Variants in RAB3IP observed in about 807,000 individuals in gnomAD.
RAB3IP encodes RAB3A interacting protein.
Under a neutral mutation model 59.1 loss-of-function variants are expected in RAB3IP, and 36 were observed. The observed-to-expected ratio is 0.61, with a 90% CI of 0.47 to 0.80. The LOEUF is 0.80. Among genes scored for constraint, RAB3IP ranks in the 30% least tolerant of loss-of-function variants. The probability of loss-of-function intolerance (pLI) is 0.00; values close to 1 mark genes in which losing one functional copy is unlikely to be tolerated. For missense variants in RAB3IP, 511 were observed against 536.0 expected (o/e 0.95, Z 0.46); for synonymous variants, 207 against 191.2 (o/e 1.08, Z -0.68).
chr12:69,756,330 T>C, intron 2 of RAB3IP, 75 bp from the exon 3 acceptor site: 1 of 1,495,568 alleles, frequency 6.7e-7, no homozygotes, highest in South Asian at 1.3e-5. Context: ...AGTACAGTTC[T>C]AGAGCTGTGT....
intron 6 of RAB3IP, chr12:69,795,727 A>C (rs959239896): frequency 3.1e-5 from 9 of 289,392 alleles, no homozygotes; most frequent in African/African-American, 1.7e-4. Context: ...AAAGATCAAT[A>C]CATTGCTTTT....
intron 1 of RAB3IP, chr12:69,739,736 C>T (rs1227735098): frequency 3.7e-6 from 4 of 1,093,550 alleles, no homozygotes; most frequent in Non-Finnish European, 5.6e-6. Flanking sequence ...CATGGCTCTG[C>T]CCTCCCAGCG....
chr12:69,822,396 T>A lies in RAB3IP; in HGVS notation c.*6950T>A, dbSNP rs146036009. 25 of 152,170 alleles carry A rather than the reference T, an allele frequency of 1.6e-4. No individual in the cohort carries two copies. Among genetic ancestry groups the A allele is most frequent in the African/African-American group, 5.5e-4 (23 of 41,496 alleles). The allele number at this position is 152,170 out of a possible 1,614,324, so 9.4% of individuals were successfully genotyped here. A position where few individuals can be genotyped will look rare whatever the true frequency, so the allele number is the denominator to read the frequency against. On this transcript the variant is annotated 3_prime_UTR_variant, in exon 11 of 11. Coordinates refer to ENST00000247833, the MANE Select transcript of RAB3IP (RefSeq NM_022456.5). ...TCTCTCTGAGTTAAATGGGATTGTA[T>A]CATGCCCCACACCCAAGCAGATAGA...
intron 8 of RAB3IP, among the ~76,000 whole-genome samples, chr12:69,801,951 C>T (rs1264160182): frequency 1.4e-5 from 2 of 140,628 alleles, no homozygotes; most frequent in East Asian, 2.5e-4. Flanking sequence ...CAAAAGTAAT[C>T]GTGCTTGTTG....
rs1881512714 is a variant in RAB3IP, at chr12:69,819,873, T to G, written c.*4427T>G. 6.6e-6 allele frequency: 1 copy of G among 152,182 alleles called. No individual in the cohort carries two copies. Among genetic ancestry groups the G allele is most frequent in the East Asian group, 1.9e-4 (1 of 5,164 alleles). 9.4% of individuals were successfully genotyped at this position (152,182 alleles called of 1,614,324 possible). On this transcript the variant is annotated 3_prime_UTR_variant, in exon 11 of 11. Coordinates refer to ENST00000247833, the MANE Select transcript of RAB3IP (RefSeq NM_022456.5). ...TTAGTTAGGTGGCCACTCCTCTCTC[T>G]TCATGGTCTCTCTCAGCTTGAAGAC...
Position 69,805,661 on chromosome 12 carries a change from A to G in RAB3IP, c.1130+3940A>G, listed in dbSNP as rs531201797. ...TCATAGATAGCTCTTATTATTTTGA[A>G]ATACGTCCCATCAATACCTAATTTA... is the stretch of plus-strand genomic sequence containing the variant. On this transcript the variant is annotated intron_variant, in intron 8 of 10. Transcript: ENST00000247833. Among the ~76,000 whole-genome samples the G allele has an allele frequency of 9.7e-3, 1,466 of 151,192 alleles. 21 individuals are homozygous for G. The highest frequency in any genetic ancestry group is 0.032 in the African/African-American group (1,288 of 40,830).
chr12:69,738,835 C>A (rs1886934984), upstream of RAB3IP: 2 of 152,160 alleles, frequency 1.3e-5, no homozygotes, highest in South Asian at 4.1e-4. Context: ...GCTCCCGGCT[C>A]CCGGCCCCCG....
intron 4 of RAB3IP, among the ~76,000 whole-genome samples, chr12:69,791,249 A>G (rs1876562707): frequency 6.6e-6 from 1 of 152,206 alleles, no homozygotes; most frequent in Admixed American, 6.5e-5. Flanking sequence ...AGAAACAAGG[A>G]AAAAGCTTCT....
intron 1 of RAB3IP, among the ~76,000 whole-genome samples, chr12:69,744,671 G>A (rs1008038276): frequency 4.1e-5 from 6 of 144,632 alleles, no homozygotes; most frequent in African/African-American, 1.3e-4. Context: ...CAGCCTGGGC[G>A]ACAGAGCGAG....
rs912485987 is a variant in RAB3IP, at chr12:69,802,525, C to T, written c.1130+804C>T. On this transcript the variant is annotated intron_variant, in intron 8 of 10. Coordinates refer to ENST00000247833, the MANE Select transcript of RAB3IP (RefSeq NM_022456.5). ...AAAGACGAAAGGTTTTGCCTAAAAC[C>T]GTGGCATAATTGTGTCTTGGCTTCT... is the stretch of plus-strand genomic sequence containing the variant. 7.9e-5 allele frequency among the ~76,000 whole-genome samples: 12 copies of T among 152,094 alleles called. No individual in the cohort carries two copies. The East Asian group carries it at 1.7e-3, about 22-fold the overall frequency.
rs1264897433 is a variant in RAB3IP at position 69,807,437 on chromosome 12, G to A, written c.1131-5341G>A. On this transcript the variant is annotated intron_variant, in intron 8 of 10. Transcript: ENST00000247833. Reference sequence around the variant, plus strand: ...CTCCCAGACGGGGCGGCCGGGCGGAGGCGCTCCTCACATCCCAGACAGGAC... The same window carrying A: ...CTCCCAGACGGGGCGGCCGGGCGGAAGCGCTCCTCACATCCCAGACAGGAC... Among the ~76,000 whole-genome samples the A allele has an allele frequency of 2.0e-5, 3 of 149,254 alleles. No individual in the cohort carries two copies. In the East Asian group the frequency reaches 6.2e-4, roughly 31 times the overall value.
In RAB3IP at chr12:69,815,451, C is replaced by G. The variant is rs1881034221; in HGVS notation, c.*5C>G. Reference sequence around the variant, plus strand: ...TATTTCAAAGAGGAACTCTGATGCTCTGCGTGGGACCATGCCTGAACTCCC... The same window carrying G: ...TATTTCAAAGAGGAACTCTGATGCTGTGCGTGGGACCATGCCTGAACTCCC... On this transcript the variant is annotated 3_prime_UTR_variant, in exon 11 of 11. Transcript: ENST00000247833. The G allele has an allele frequency of 1.3e-6, 2 of 1,596,252 alleles. No individual in the cohort carries two copies. The highest frequency in any genetic ancestry group is 2.2e-5 in the South Asian group (2 of 90,548).
intron 3 of RAB3IP, among the ~76,000 whole-genome samples, chr12:69,770,700 A>G (rs540698104): frequency 6.6e-6 from 1 of 152,322 alleles, no homozygotes; most frequent in Admixed American, 6.5e-5. Flanking sequence ...CATTTAAAAA[A>G]AAGTTTGATT....
At position 69,823,182 on chromosome 12, in the gene RAB3IP, A is replaced by G. The variant is rs935706936; in HGVS notation, c.*7736A>G. ...ATTATTTGTTAATTAAAAAAATAAA[A>G]AAAAGACCCACCCACTGTTTAAGTG... On this transcript the variant is annotated 3_prime_UTR_variant, in exon 11 of 11. Transcript: ENST00000247833. 4 of 152,156 alleles carry G rather than the reference A, an allele frequency of 2.6e-5. No homozygotes were observed. Among genetic ancestry groups the G allele is most frequent in the African/African-American group, 9.7e-5 (4 of 41,442 alleles). 9.4% of individuals were successfully genotyped at this position (152,156 alleles called of 1,614,324 possible).
chr12:69,757,644 G>C (rs1346358831), intron 3 of RAB3IP, among the ~76,000 whole-genome samples: 4 of 151,456 alleles, frequency 2.6e-5, no homozygotes. Context: ...AACCTACCAT[G>C]ACATTTCACA....
intron 8 of RAB3IP, among the ~76,000 whole-genome samples, chr12:69,802,186 G>A (rs562779583): frequency 6.6e-6 from 1 of 151,842 alleles, no homozygotes; most frequent in Admixed American, 6.6e-5. Context: ...TGTGTCCTGG[G>A]TTTCTGTATA....
chr12:69,779,043 ACTG>A (rs1874139184), intron 3 of RAB3IP: 1 of 89,570 alleles, frequency 1.1e-5, no homozygotes, highest in East Asian at 3.1e-4. Context: ...TTGATCTCAG[ACTG>A]CTGTGCTAGC....
chr12:69,795,469 G>C, intron 6 of RAB3IP, 125 bp downstream of exon 6: 1 of 744,766 alleles, frequency 1.3e-6, no homozygotes. Flanking sequence ...TAAGATGGGG[G>C]AGGCTTTATC....
chr12:69,810,908 G>GA (rs1360513487), intron 8 of RAB3IP, among the ~76,000 whole-genome samples: 2 of 152,098 alleles, frequency 1.3e-5, no homozygotes, highest in East Asian at 1.9e-4. Context: ...GCATGTTTGG[G>GA]AAAAAAATGG....
Sources: gnomAD v4.1 joint callset for allele counts (sites outside exome capture counted in the v4.1 genomes callset) on GRCh38, gnomAD v4.1.1 for gene constraint, MANE v1.5 for transcripts, NCBI Gene and HGNC (gene_info 2026-07-23, HGNC 2026-07-21) for gene names.